The following CCDC83 variants were observed in gnomAD, a reference collection of about 807,000 sequenced individuals.
CCDC83 encodes coiled-coil domain containing 83.
In CCDC83, 54 loss-of-function variants were observed where a neutral mutation model predicts 50.1. That is an observed-to-expected ratio of 1.08 (90% CI 0.87 to 1.35). The LOEUF is 1.35. Among genes scored for constraint, CCDC83 ranks in the 40% most tolerant of loss-of-function variants. The probability of loss-of-function intolerance (pLI) is 0.00; values close to 1 mark genes in which losing one functional copy is unlikely to be tolerated. For missense variants in CCDC83, 518 were observed against 473.9 expected (o/e 1.09, Z -0.86); for synonymous variants, 161 against 153.3 (o/e 1.05, Z -0.37).
chr11:85,919,305 G>A, intron 10 of CCDC83, 44 bp from the exon 11 acceptor site: 1 of 1,526,138 alleles, frequency 6.6e-7, no homozygotes, highest in Non-Finnish European at 8.8e-7. Flanking sequence ...CTGGTAATTT[G>A]CTGAATCACC....
intron 2 of CCDC83, among the ~76,000 whole-genome samples, chr11:85,871,809 TTC>T (rs969293703): frequency 6.6e-6 from 1 of 152,150 alleles, no homozygotes; most frequent in Non-Finnish European, 1.5e-5. Context: ...GGTACTATAT[TTC>T]TGTTTTTGTT....
chr11:85,879,364 T>C (rs533021500), intron 3 of CCDC83, among the ~76,000 whole-genome samples: 1 of 152,266 alleles, frequency 6.6e-6, no homozygotes, highest in South Asian at 2.1e-4. Flanking sequence ...AGATGTCCAG[T>C]TGCGTCTGCA....
chr11:85,889,974 T>C (rs567232228), intron 5 of CCDC83, among the ~76,000 whole-genome samples: 40 of 152,138 alleles, frequency 2.6e-4, no homozygotes, highest in Non-Finnish European at 4.6e-4. Flanking sequence ...TACAAGAAGT[T>C]AGAGAGGCCA....
intron 10 of CCDC83, chr11:85,917,780 A>G (rs1266151568): frequency 1.3e-5 from 2 of 152,202 alleles, no homozygotes; most frequent in African/African-American, 4.8e-5. Context: ...TAGTTCCTCT[A>G]GCACTGAAAC....
chr11:85,899,140 A>C (rs1162402140), intron 7 of CCDC83, 125 bp downstream of exon 7: 21 of 654,806 alleles, frequency 3.2e-5, no homozygotes, highest in Non-Finnish European at 4.5e-5. Context: ...ACAAAATAAA[A>C]TTCAAGTGGA....
intron 2 of CCDC83, among the ~76,000 whole-genome samples, chr11:85,867,904 G>A (rs2093216649): frequency 6.6e-6 from 1 of 152,216 alleles, no homozygotes; most frequent in Non-Finnish European, 1.5e-5. Context: ...AGGCCTTGCT[G>A]TACCATGCTC....
intron 2 of CCDC83, among the ~76,000 whole-genome samples, chr11:85,865,526 C>T (rs1243298421): frequency 1.3e-5 from 2 of 152,168 alleles, no homozygotes; most frequent in Non-Finnish European, 2.9e-5. Flanking sequence ...TTACTCTCAC[C>T]TATGTATACA....
chr11:85,881,136 C>A (rs574113470), intron 3 of CCDC83, among the ~76,000 whole-genome samples: 1 of 151,856 alleles, frequency 6.6e-6, no homozygotes, highest in Non-Finnish European at 1.5e-5. Flanking sequence ...TGGGAGGCCG[C>A]GGCAGATGGA....
At chr11:85,917,232 AAAG>A (rs1460144833) in intron 10 of CCDC83, among the ~76,000 whole-genome samples, 7 of 134,448 alleles carry the variant, frequency 5.2e-5, no homozygotes, top group East Asian at 4.1e-4. Flanking sequence ...GAAAGAAAGA[AAAG>A]AAAGAAAGAG....
Position 85,882,539 on chromosome 11 carries a change from T to A in CCDC83, c.207T>A (p.Ile69=), listed in dbSNP as rs753540623. 6.2e-7 allele frequency: 1 copy of A among 1,613,868 alleles called. No individual in the cohort carries two copies. The highest frequency in any genetic ancestry group is 1.7e-5 in the Admixed American group (1 of 59,980). The change falls in exon 4 of 11, where the codon ATT becomes ATA. Residue 69 remains isoleucine (I), a synonymous_variant. Transcript: ENST00000342404. The stretch of plus-strand genomic sequence containing the variant: ...ATAGCCGCTTAAAAGAAGAACAGAT[T>A]TGGCACATACGGCATCTACTAAAGG... ...ERNSRLKEEQ[I]WHIRHLLKEL...
chr11:85,900,597 T>C (rs921844231), intron 7 of CCDC83, among the ~76,000 whole-genome samples: 3 of 152,154 alleles, frequency 2.0e-5, no homozygotes, highest in Non-Finnish European at 4.4e-5. Flanking sequence ...CAGACTTTTC[T>C]TAAATATAAA....
At chr11:85,878,722 T>C (rs774579778) in intron 3 of CCDC83, among the ~76,000 whole-genome samples, 2 of 147,464 alleles carry the variant, frequency 1.4e-5, no homozygotes, top group Non-Finnish European at 3.0e-5. Flanking sequence ...GGTAGTATGA[T>C]AGTTACACGT....
chr11:85,915,599 G>T, intron 9 of CCDC83, 101 bp downstream of exon 9: 1 of 758,830 alleles, frequency 1.3e-6, no homozygotes, highest in Non-Finnish European at 2.1e-6. Flanking sequence ...ACATACAAAA[G>T]CTATTCAGAG....
At chr11:85,889,359 T>C (rs531786910) in intron 5 of CCDC83, among the ~76,000 whole-genome samples, 6 of 152,334 alleles carry the variant, frequency 3.9e-5, no homozygotes, top group African/African-American at 1.4e-4. Flanking sequence ...CTTAAATTAA[T>C]GAATTATTAA....
chr11:85,917,160 G>GA (rs1565159937), intron 10 of CCDC83, among the ~76,000 whole-genome samples: 33 of 97,532 alleles, frequency 3.4e-4, no homozygotes, highest in African/African-American at 1.4e-3. Flanking sequence ...GAGAGAGAGA[G>GA]AGAGAGAGAA....
chr11:85,856,250 G>T (rs1031844672), intron 1 of CCDC83, among the ~76,000 whole-genome samples: 1 of 151,626 alleles, frequency 6.6e-6, no homozygotes, highest in African/African-American at 2.4e-5. Context: ...ATAATGACTG[G>T]GTATTTATCA....
chr11:85,878,299 G>A (rs890392333), intron 3 of CCDC83, among the ~76,000 whole-genome samples: 1 of 152,138 alleles, frequency 6.6e-6, no homozygotes, highest in Non-Finnish European at 1.5e-5. Flanking sequence ...ATCACCACAA[G>A]TATCCCTCAT....
At chr11:85,911,839 T>C (rs1298577026) in intron 8 of CCDC83, among the ~76,000 whole-genome samples, 4 of 152,128 alleles carry the variant, frequency 2.6e-5, no homozygotes, top group African/African-American at 9.7e-5. Flanking sequence ...TTCTTTCGGT[T>C]GAAAGAGTCA....
At chr11:85,912,687 G>T in intron 8 of CCDC83, 1 of 1,612,650 alleles carries the variant, frequency 6.2e-7, no homozygotes, top group South Asian at 1.1e-5. Flanking sequence ...TCTAATCCTC[G>T]TCATCTGCTG....
Sources: allele counts gnomAD v4.1 joint callset (sites outside exome capture counted in the v4.1 genomes callset), GRCh38; gene constraint gnomAD v4.1.1; transcripts MANE v1.5; gene names NCBI Gene and HGNC (gene_info 2026-07-23, HGNC 2026-07-21).